The following TEX2 variants were observed in gnomAD, a reference collection of about 807,000 sequenced individuals.
The protein encoded by TEX2 is testis-expressed protein 2.
Under a neutral mutation model 106.9 loss-of-function variants are expected in TEX2, and 53 were observed. The observed-to-expected ratio is 0.50, with a 90% CI of 0.40 to 0.62. TEX2 has a LOEUF of 0.62. TEX2 is among the 20% of genes least tolerant of loss of function. TEX2 has a pLI of 0.00. For synonymous variants in TEX2, 523 were observed against 534.8 expected, an observed-to-expected ratio of 0.98 and a Z score of 0.30; for missense variants, 1,207 against 1,379.0, an observed-to-expected ratio of 0.88 and a Z score of 1.98.
At chr17:64,260,021 T>C (rs930601306) in intron 1 of TEX2, among the ~76,000 whole-genome samples, 6 of 152,204 alleles carry the variant, frequency 3.9e-5, no homozygotes, top group African/African-American at 1.4e-4. Flanking sequence ...GAGAAGTAAT[T>C]TACCCTTAAG....
chr17:64,170,300 G>C (rs1377245281), intron 7 of TEX2, among the ~76,000 whole-genome samples: 3 of 152,200 alleles, frequency 2.0e-5, no homozygotes, highest in African/African-American at 7.2e-5. Context: ...CACCTACTAG[G>C]AGTAGCAAGG....
At position 64,179,403 on chromosome 17, in the gene TEX2, G is replaced by C. The variant is rs1294974541; in HGVS notation, c.2425-1932C>G. ...GGGAAGGGACAATAAGGGAATAAAA[G>C]CTGGCCACCCTAGCCAGCAGCAGCG... is the stretch of plus-strand genomic sequence containing the variant. On this transcript the variant is annotated intron_variant, in intron 5 of 11. Transcript: ENST00000584379. 3.3e-5 allele frequency among the ~76,000 whole-genome samples: 5 copies of C among 152,204 alleles called. No individual in the cohort carries two copies. The East Asian group carries it at 9.6e-4, about 29-fold the overall frequency.
chr17:64,161,019 T>C lies in TEX2; in HGVS notation c.2672-86A>G, dbSNP rs867279542. ...TGACTTACATTTAAAAATATCTAAA[T>C]AGGCACCATACTGAAAGTCCATGTA... On this transcript the variant is annotated intron_variant, in intron 7 of 11. Transcript: ENST00000584379. 29 of 1,419,492 alleles carry C rather than the reference T, an allele frequency of 2.0e-5. No homozygotes were observed. In the South Asian group the frequency reaches 3.3e-4, roughly 16 times the overall value. The allele number at this position is 1,419,492 out of a possible 1,614,324, so 87.9% of individuals were successfully genotyped here.
Position 64,233,048 on chromosome 17 carries a change from C to T in TEX2, c.-25-18806G>A, listed in dbSNP as rs544869765. Among the ~76,000 whole-genome samples the T allele has an allele frequency of 2.0e-5, 3 of 152,188 alleles. No homozygotes were observed. The East Asian group carries it at 5.8e-4, about 29-fold the overall frequency. Reference sequence around the variant, plus strand: ...GCAACATCTTCAACACACAAATGACCCAGCTCACCCCTATCCATCTTGAGG... The same window carrying T: ...GCAACATCTTCAACACACAAATGACTCAGCTCACCCCTATCCATCTTGAGG... On this transcript the variant is annotated intron_variant, in intron 1 of 11. Transcript: ENST00000584379.
Position 64,210,106 on chromosome 17 carries a change from G to A in TEX2, c.1644+2468C>T, listed in dbSNP as rs1419236969. ...TCATTAGGTACTAGAGTTAATATAAGCGCAATTTTTCCTTGCTAAAGTTAG... is the reference window on the plus strand; with the variant it reads ...TCATTAGGTACTAGAGTTAATATAAACGCAATTTTTCCTTGCTAAAGTTAG... On this transcript the variant is annotated intron_variant, in intron 2 of 11. Coordinates refer to ENST00000584379, the MANE Select transcript of TEX2 (RefSeq NM_001288732.2). 2.6e-5 allele frequency among the ~76,000 whole-genome samples: 4 copies of A among 152,310 alleles called. No homozygotes were observed. The East Asian group carries it at 7.7e-4, about 29-fold the overall frequency.
At chr17:64,171,847 G>T (rs1169937953) in intron 6 of TEX2, among the ~76,000 whole-genome samples, 1 of 152,068 alleles carries the variant, frequency 6.6e-6, no homozygotes, top group East Asian at 1.9e-4. Context: ...AGGCAAGGTG[G>T]CATGCACTTG....
chr17:64,227,770 G>A (rs1288422619), intron 1 of TEX2, among the ~76,000 whole-genome samples: 2 of 152,118 alleles, frequency 1.3e-5, no homozygotes, highest in Non-Finnish European at 2.9e-5. Flanking sequence ...CCCTAACCAA[G>A]CCTAAGCTTC....
intron 7 of TEX2, among the ~76,000 whole-genome samples, chr17:64,170,728 G>A (rs2031350769): frequency 7.2e-6 from 1 of 139,050 alleles, no homozygotes; most frequent in African/African-American, 2.7e-5. Flanking sequence ...CGTCTCCTGG[G>A]TTCAAGCGAT....
chr17:64,209,302 C>G (rs1416728909), intron 2 of TEX2, among the ~76,000 whole-genome samples: 9 of 152,210 alleles, frequency 5.9e-5, no homozygotes, highest in African/African-American at 2.2e-4. Context: ...TAGCTTGTAA[C>G]AGACAGCATA....
intron 5 of TEX2, among the ~76,000 whole-genome samples, chr17:64,187,889 T>A (rs997797006): frequency 2.6e-5 from 4 of 152,156 alleles, no homozygotes; most frequent in Non-Finnish European, 5.9e-5. Flanking sequence ...ACAAACTTTT[T>A]AAAATTAAAA....
intron 1 of TEX2, among the ~76,000 whole-genome samples, chr17:64,256,925 A>G (rs1181567433): frequency 6.6e-6 from 1 of 152,264 alleles, no homozygotes; most frequent in African/African-American, 2.4e-5. Flanking sequence ...AAATTGAATA[A>G]GAAAACAAGC....
At chr17:64,157,021 G>T (rs2030662317) in intron 8 of TEX2, among the ~76,000 whole-genome samples, 1 of 152,232 alleles carries the variant, frequency 6.6e-6, no homozygotes, top group South Asian at 2.1e-4. Context: ...AGTTCAAGCT[G>T]ATCAGATGAT....
At chr17:64,244,542 T>G (rs2033951959) in intron 1 of TEX2, among the ~76,000 whole-genome samples, 1 of 152,206 alleles carries the variant, frequency 6.6e-6, no homozygotes, top group South Asian at 2.1e-4. Flanking sequence ...GATGCTTCAG[T>G]ACATCACTCC....
chr17:64,230,229 G>T lies in TEX2; in HGVS notation c.-25-15987C>A, dbSNP rs76620462. 6.1e-3 allele frequency among the ~76,000 whole-genome samples: 933 copies of T among 152,278 alleles called. 9 individuals are homozygous for T. Among genetic ancestry groups the T allele is most frequent in the African/African-American group, 0.022 (895 of 41,544 alleles). ...GGGAGGAATATGAGAAGGCATGGTG[G>T]AAGGTTTCCCAGGGGCCCCGTGTGA... On this transcript the variant is annotated intron_variant, in intron 1 of 11. Coordinates refer to ENST00000584379, the MANE Select transcript of TEX2 (RefSeq NM_001288732.2).
chr17:64,251,828 C>T (rs1019080459), intron 1 of TEX2, among the ~76,000 whole-genome samples: 1 of 152,140 alleles, frequency 6.6e-6, no homozygotes, highest in Admixed American at 6.5e-5. Context: ...GCCTAGAGCC[C>T]TCTTTAGTGT....
At chr17:64,191,838 A>AGC (rs2032310755) in intron 4 of TEX2, among the ~76,000 whole-genome samples, 1 of 146,488 alleles carries the variant, frequency 6.8e-6, no homozygotes. Flanking sequence ...AAAAAAAAAA[A>AGC]AAAAAGAAAG....
intron 1 of TEX2, among the ~76,000 whole-genome samples, chr17:64,227,123 G>A (rs538683173): frequency 2.0e-5 from 3 of 152,188 alleles, no homozygotes; most frequent in African/African-American, 7.2e-5. Flanking sequence ...CTACTCGGGA[G>A]GGTGAGGCAG....
In TEX2 at chr17:64,185,527, C is replaced by T. The variant is rs566215384; in HGVS notation, c.2424+2641G>A. 3.3e-5 allele frequency among the ~76,000 whole-genome samples: 5 copies of T among 152,220 alleles called. No individual in the cohort carries two copies. Among genetic ancestry groups the T allele is most frequent in the Admixed American group, 6.5e-5 (1 of 15,294 alleles). The stretch of plus-strand genomic sequence containing the variant: ...GCACTAAACATTTGGAAAACTAGGC[C>T]CTTGCCCCCCAAAATAGTGATATTT... On this transcript the variant is annotated intron_variant, in intron 5 of 11. Coordinates refer to ENST00000584379, the MANE Select transcript of TEX2 (RefSeq NM_001288732.2). This position sits in a 1 kb window ranked among gnomAD's most constrained non-coding sequence, Gnocchi z 4.0.
intron 7 of TEX2, among the ~76,000 whole-genome samples, chr17:64,163,577 T>C (rs777925102): frequency 6.6e-5 from 10 of 152,228 alleles, no homozygotes; most frequent in African/African-American, 9.6e-5. Context: ...AAATTTGCTT[T>C]TGTAACAATG....
Sources: gnomAD v4.1 joint callset for allele counts (sites outside exome capture counted in the v4.1 genomes callset) on GRCh38, gnomAD v4.1.1 for gene constraint, Gnocchi (gnomAD v3.1) non-coding constraint, MANE v1.5 for transcripts, NCBI Gene and HGNC (gene_info 2026-07-23, HGNC 2026-07-21) for gene names.